Variants in KIF2A observed in about 807,000 individuals in gnomAD.
KIF2A encodes the protein kinesin family member 2A, also known as kinesin-like protein KIF2A.
KIF2A carries 22 observed loss-of-function variants against 100.2 expected under a neutral mutation model. The ratio of observed to expected loss-of-function variants is 0.22; its 90% CI spans 0.16 to 0.31. The LOEUF is 0.31. Among genes scored for constraint, KIF2A ranks in the 10% least tolerant of loss-of-function variants. KIF2A has a pLI of 1.00. For synonymous variants in KIF2A, 268 were observed against 285.9 expected, an observed-to-expected ratio of 0.94 and a Z score of 0.63; for missense variants, 495 against 898.7, an observed-to-expected ratio of 0.55 and a Z score of 5.74.
chr5:62,346,665 A>G (rs1430298979), intron 1 of KIF2A, among the ~76,000 whole-genome samples: 2 of 152,212 alleles, frequency 1.3e-5, no homozygotes, highest in Admixed American at 1.3e-4. Flanking sequence ...ACTTGAACCC[A>G]GGAGGCAGAG....
At chr5:62,351,737 C>G (rs1227269540) in intron 4 of KIF2A, among the ~76,000 whole-genome samples, 1 of 152,020 alleles carries the variant, frequency 6.6e-6, no homozygotes, top group African/African-American at 2.4e-5. Context: ...AAATTCTCTG[C>G]TGAAGATTTG....
chr5:62,326,197 A>G (rs1040550218), intron 1 of KIF2A, among the ~76,000 whole-genome samples: 3 of 152,174 alleles, frequency 2.0e-5, no homozygotes, highest in African/African-American at 7.2e-5. Context: ...GTACTATCCC[A>G]TGTATTTCCT....
At chr5:62,345,026 G>A (rs1293697818) in intron 1 of KIF2A, among the ~76,000 whole-genome samples, 2 of 151,630 alleles carry the variant, frequency 1.3e-5, no homozygotes, top group Non-Finnish European at 2.9e-5. Flanking sequence ...TGGGCAGATC[G>A]CCTGAGGCCA....
In KIF2A at chr5:62,391,025, A is replaced by G. The variant is rs1742289865; in HGVS notation, c.*5456A>G. On this transcript the variant is annotated 3_prime_UTR_variant, in exon 21 of 21. Transcript: ENST00000407818. ...AGAATAAATGAACGACATATCTTTA[A>G]TGAGGTCACCTTGACTCTTTTTTTT... The G allele has an allele frequency of 1.3e-6, 2 of 1,529,864 alleles. No homozygotes were observed. The highest frequency in any genetic ancestry group is 1.4e-5 in the African/African-American group (1 of 73,232). 94.8% of individuals were successfully genotyped at this position (1,529,864 alleles called of 1,614,324 possible). A position where few individuals can be genotyped will look rare whatever the true frequency, so the allele number is the denominator to read the frequency against.
chr5:62,388,941 C>CTT lies in KIF2A; in HGVS notation c.*3373_*3374dup. ...TGTCTCAGTAAAGCAAAAGCATTAT[C>CTT]TTCTCAAATACAAAAAATACAAAAT... On this transcript the variant is annotated 3_prime_UTR_variant, in exon 21 of 21. Transcript: ENST00000407818. 3.5e-6 allele frequency: 5 copies of CTT among 1,448,368 alleles called. No homozygotes were observed. 89.7% of individuals were successfully genotyped at this position (1,448,368 alleles called of 1,614,324 possible). A position where few individuals can be genotyped will look rare whatever the true frequency, so the allele number is the denominator to read the frequency against.
In KIF2A at chr5:62,309,420, C is replaced by T. The variant is rs114992236; in HGVS notation, c.64+2884C>T. On this transcript the variant is annotated intron_variant, in intron 1 of 20. Transcript: ENST00000407818. ...AAGGCAGGAGATTAGTAGAGAACTT[C>T]GAAAGAACAGAAGGATCATTTGCAT... Among the ~76,000 whole-genome samples, 805 of 152,248 alleles carry T rather than the reference C, an allele frequency of 5.3e-3. 9 individuals carry two copies. Among genetic ancestry groups the T allele is most frequent in the African/African-American group, 0.018 (756 of 41,534 alleles).
intron 18 of KIF2A, among the ~76,000 whole-genome samples, chr5:62,377,111 G>T (rs1003779392): frequency 6.6e-6 from 1 of 152,130 alleles, no homozygotes; most frequent in Non-Finnish European, 1.5e-5. Flanking sequence ...ATTGTGAATT[G>T]TCCATTGAAA....
chr5:62,324,264 T>C (rs749447147), intron 1 of KIF2A, among the ~76,000 whole-genome samples: 1 of 152,142 alleles, frequency 6.6e-6, no homozygotes, highest in Non-Finnish European at 1.5e-5. Context: ...AGAATCAGTG[T>C]TGTTAAAATG....
chr5:62,330,334 G>A (rs1403773447), intron 1 of KIF2A, among the ~76,000 whole-genome samples: 1 of 152,062 alleles, frequency 6.6e-6, no homozygotes, highest in East Asian at 1.9e-4. Context: ...CTGGGCGAGA[G>A]TGAGAAAAAG....
At position 62,390,208 on chromosome 5, in the gene KIF2A, G is replaced by T. The variant is rs1324647714; in HGVS notation, c.*4639G>T. 6.6e-6 allele frequency among the ~76,000 whole-genome samples: 1 copy of T among 152,150 alleles called. No homozygotes were observed. The highest frequency in any genetic ancestry group is 1.5e-5 in the Non-Finnish European group (1 of 68,022). ...ACCTTCTGAAAGTTAACATCTTAAT[G>T]ATTAAAAACAGTAAGTACAGGTTAG... On this transcript the variant is annotated 3_prime_UTR_variant, in exon 21 of 21. Transcript: ENST00000407818.
chr5:62,375,047 G>C (rs1285255266), intron 18 of KIF2A, among the ~76,000 whole-genome samples: 1 of 152,036 alleles, frequency 6.6e-6, no homozygotes, highest in Non-Finnish European at 1.5e-5. Context: ...AAATCTGATT[G>C]CTTTTCTGTA....
intron 1 of KIF2A, among the ~76,000 whole-genome samples, chr5:62,311,154 T>G (rs1384666262): frequency 6.6e-6 from 1 of 152,196 alleles, no homozygotes; most frequent in Non-Finnish European, 1.5e-5. Flanking sequence ...TTATCTAGAT[T>G]CATACAACTT....
At position 62,388,734 on chromosome 5, in the gene KIF2A, AG is replaced by A; in HGVS notation, c.*3166del. On this transcript the variant is annotated 3_prime_UTR_variant, in exon 21 of 21. Transcript: ENST00000407818. ...TAACATCTTTATACAATAAACTGTT[AG>A]AAATGATAAGTGTAAAGTTGTGCGT... 1 of 423,012 alleles carries A rather than the reference AG, an allele frequency of 2.4e-6. No homozygotes were observed. Among genetic ancestry groups the A allele is most frequent in the Non-Finnish European group, 4.3e-6 (1 of 235,084 alleles). 26.2% of individuals were successfully genotyped at this position (423,012 alleles called of 1,614,324 possible). A position where few individuals can be genotyped will look rare whatever the true frequency, so the allele number is the denominator to read the frequency against.
rs1246856415 is a variant in KIF2A, at chr5:62,390,720, C to T, written c.*5151C>T. 6.6e-6 allele frequency among the ~76,000 whole-genome samples: 1 copy of T among 152,174 alleles called. No individual in the cohort carries two copies. The highest frequency in any genetic ancestry group is 2.4e-5 in the African/African-American group (1 of 41,438). On this transcript the variant is annotated 3_prime_UTR_variant, in exon 21 of 21. Transcript: ENST00000407818. ...CATTCTGCTGCAGCTAACTAGCCTC[C>T]ATCTTCTACACCAAATACTATTCCA... is the stretch of plus-strand genomic sequence containing the variant.
At chr5:62,368,358 AC>A (rs1741177868) in intron 16 of KIF2A, among the ~76,000 whole-genome samples, 1 of 151,394 alleles carries the variant, frequency 6.6e-6, no homozygotes, top group South Asian at 2.1e-4. Context: ...TGGTATTATA[AC>A]CCCCCGGGTT....
intron 18 of KIF2A, among the ~76,000 whole-genome samples, chr5:62,375,908 T>C (rs1330760381): frequency 1.3e-5 from 2 of 152,176 alleles, no homozygotes; most frequent in Non-Finnish European, 2.9e-5. Context: ...AAAAACCTGG[T>C]TCAAACTAAG....
intron 1 of KIF2A, among the ~76,000 whole-genome samples, chr5:62,308,915 TA>T (rs1301870112): frequency 7.1e-5 from 2 of 28,274 alleles, no homozygotes; most frequent in South Asian, 9.1e-4. Flanking sequence ...CAGCTCTTGT[TA>T]AAGTATGTGA....
intron 4 of KIF2A, among the ~76,000 whole-genome samples, chr5:62,351,662 T>C (rs1747861488): frequency 6.6e-6 from 1 of 152,176 alleles, no homozygotes; most frequent in South Asian, 2.1e-4. Context: ...TATATTTCTT[T>C]TAAAATTTGA....
intron 7 of KIF2A, among the ~76,000 whole-genome samples, chr5:62,357,244 C>A (rs894891120): frequency 1.3e-5 from 2 of 151,646 alleles, no homozygotes; most frequent in African/African-American, 4.8e-5. Context: ...CCACCACTCC[C>A]GGCTAATTTT....
Sources: allele counts gnomAD v4.1 joint callset (sites outside exome capture counted in the v4.1 genomes callset), GRCh38; gene constraint gnomAD v4.1.1; transcripts MANE v1.5; gene names NCBI Gene and HGNC (gene_info 2026-07-23, HGNC 2026-07-21).